STT3B: variants seen among roughly 807,000 people sequenced by gnomAD.
STT3B encodes the protein dolichyl-diphosphooligosaccharide--protein glycosyltransferase subunit STT3B.
Under a neutral mutation model 96.8 loss-of-function variants are expected in STT3B, and 29 were observed. That is an observed-to-expected ratio of 0.30 (90% CI 0.22 to 0.41). The LOEUF is 0.41. STT3B is among the 10% of genes least tolerant of loss of function. The pLI is 1.00. For synonymous variants in STT3B, 367 were observed against 360.0 expected, an observed-to-expected ratio of 1.02 and a Z score of -0.22; for missense variants, 640 against 1,022.3, an observed-to-expected ratio of 0.63 and a Z score of 5.10.
intron 5 of STT3B, 68 bp from the exon 6 acceptor site, chr3:31,615,037 A>G: frequency 2.2e-6 from 2 of 905,964 alleles, no homozygotes; most frequent in Non-Finnish European, 1.7e-6. Context: ...GGATTTACAT[A>G]TACATTTATG....
chr3:31,580,138 C>T (rs1477395813), intron 3 of STT3B, 42 bp downstream of exon 3: 1 of 1,581,060 alleles, frequency 6.3e-7, no homozygotes, highest in South Asian at 1.1e-5. Context: ...TTACTCGTGA[C>T]CTTTCTCCTG....
intron 1 of STT3B, 74 bp downstream of exon 1, chr3:31,533,386 T>C (rs1696994144): frequency 2.2e-6 from 3 of 1,370,148 alleles, no homozygotes; most frequent in Admixed American, 2.9e-5. Context: ...CCGCCGCAGC[T>C]CTCCTCGACT....
At chr3:31,629,736 G>C (rs1428727717) in intron 14 of STT3B, among the ~76,000 whole-genome samples, 1 of 152,202 alleles carries the variant, frequency 6.6e-6, no homozygotes, top group African/African-American at 2.4e-5. Context: ...AGGAAACAGT[G>C]TGGTGTCTTA....
chr3:31,552,558 C>G (rs1697586950), intron 1 of STT3B, among the ~76,000 whole-genome samples: 2 of 151,998 alleles, frequency 1.3e-5, no homozygotes, highest in African/African-American at 4.8e-5. Flanking sequence ...AAAACTTGTT[C>G]TATCTTTATT....
At position 31,533,332 on chromosome 3, in the gene STT3B, T is replaced by G; in HGVS notation, c.314+20T>G. On this transcript the variant is annotated intron_variant, in intron 1 of 15. Coordinates refer to ENST00000295770, the MANE Select transcript of STT3B (RefSeq NM_178862.3). ...CCCGTGGTAAGTGCCTCGCCGCCCC[T>G]CCCCCGCCCGTGGCCCGCGGGGAAC... 6.7e-7 allele frequency: 1 copy of G among 1,489,320 alleles called. No homozygotes were observed. Among genetic ancestry groups the G allele is most frequent in the East Asian group, 3.0e-5 (1 of 33,718 alleles). 92.3% of individuals were successfully genotyped at this position (1,489,320 alleles called of 1,614,324 possible). A position where few individuals can be genotyped will look rare whatever the true frequency, so the allele number is the denominator to read the frequency against.
intron 1 of STT3B, among the ~76,000 whole-genome samples, chr3:31,559,143 T>TGG (rs202088544): frequency 0.019 from 1,978 of 103,446 alleles, 18 homozygotes; most frequent in East Asian, 0.039. Flanking sequence ...CATTGATTCT[T>TGG]GGGGTGTGTG....
chr3:31,549,692 T>A (rs1697503824), intron 1 of STT3B, among the ~76,000 whole-genome samples: 1 of 152,182 alleles, frequency 6.6e-6, no homozygotes. Context: ...CATAATCATA[T>A]GTCTAATTTA....
intron 3 of STT3B, among the ~76,000 whole-genome samples, chr3:31,594,809 C>T (rs977256551): frequency 6.6e-6 from 1 of 152,052 alleles, no homozygotes; most frequent in Admixed American, 6.5e-5. Context: ...ATGAAAGATA[C>T]CCTAAATTAT....
intron 5 of STT3B, among the ~76,000 whole-genome samples, 152 bp from the exon 6 acceptor site, chr3:31,614,952 GT>G (rs1439349022): frequency 6.6e-6 from 1 of 151,730 alleles, no homozygotes; most frequent in Non-Finnish European, 1.5e-5. Flanking sequence ...GTAACATATG[GT>G]TAACAAATGG....
Position 31,600,479 on chromosome 3 carries a change from A to T in STT3B, c.877+20A>T, listed in dbSNP as rs1254755405. ...ACATAGGTAAGTAATTTGATTTTTGACATCTGTCAACTAAGAGATGTTTTG... is the reference window on the plus strand; with the variant it reads ...ACATAGGTAAGTAATTTGATTTTTGTCATCTGTCAACTAAGAGATGTTTTG... On this transcript the variant is annotated intron_variant, in intron 5 of 15. Coordinates refer to ENST00000295770, the MANE Select transcript of STT3B (RefSeq NM_178862.3). The T allele has an allele frequency of 4.5e-6, 5 of 1,102,690 alleles. No homozygotes were observed. Among genetic ancestry groups the T allele is most frequent in the Non-Finnish European group, 6.9e-6 (5 of 728,104 alleles). The allele number at this position is 1,102,690 out of a possible 1,614,324, so 68.3% of individuals were successfully genotyped here. A position where few individuals can be genotyped will look rare whatever the true frequency, so the allele number is the denominator to read the frequency against.
intron 5 of STT3B, among the ~76,000 whole-genome samples, chr3:31,605,696 C>G (rs958274057): frequency 6.6e-6 from 1 of 152,156 alleles, no homozygotes; most frequent in East Asian, 1.9e-4. Context: ...TCAGGTATGT[C>G]TTTATCAGCA....
chr3:31,618,830 A>G (rs1699367125), intron 8 of STT3B, among the ~76,000 whole-genome samples: 1 of 152,206 alleles, frequency 6.6e-6, no homozygotes, highest in South Asian at 2.1e-4. Context: ...TGTTATTCTG[A>G]TTAGGTTAAA....
chr3:31,616,911 A>T lies in STT3B; in HGVS notation c.977-18A>T. ...GGAAAACTGCTTTGTTGATTATGTG[A>T]CCCTTTTCTTTAATTAGGTGTCTTT... On this transcript the variant is annotated intron_variant, in intron 6 of 15. Transcript: ENST00000295770. 1 of 1,585,158 alleles carries T rather than the reference A, an allele frequency of 6.3e-7. No individual in the cohort carries two copies. The highest frequency in any genetic ancestry group is 1.7e-4 in the Middle Eastern group (1 of 5,882).
intron 3 of STT3B, among the ~76,000 whole-genome samples, chr3:31,582,784 T>G (rs1303640807): frequency 1.3e-5 from 2 of 152,190 alleles, no homozygotes; most frequent in Non-Finnish European, 2.9e-5. Flanking sequence ...TTTCTCATTT[T>G]TATTTTTTGA....
intron 2 of STT3B, among the ~76,000 whole-genome samples, chr3:31,578,409 T>C (rs1698304944): frequency 6.6e-6 from 1 of 152,152 alleles, no homozygotes; most frequent in African/African-American, 2.4e-5. Context: ...TTATGCTTTT[T>C]TTGTTGTTGG....
intron 1 of STT3B, among the ~76,000 whole-genome samples, chr3:31,548,061 C>G (rs1420669879): frequency 6.6e-6 from 1 of 152,140 alleles, no homozygotes; most frequent in Non-Finnish European, 1.5e-5. Context: ...TGGTCATTTA[C>G]CTTCCTGTTT....
intron 1 of STT3B, among the ~76,000 whole-genome samples, chr3:31,536,254 A>G (rs968811834): frequency 2.0e-5 from 3 of 152,176 alleles, no homozygotes; most frequent in African/African-American, 4.8e-5. Context: ...TTCTATAGCT[A>G]CTAATAGTCG....
intron 1 of STT3B, among the ~76,000 whole-genome samples, chr3:31,557,778 G>A (rs981846935): frequency 1.8e-4 from 28 of 152,086 alleles, no homozygotes; most frequent in African/African-American, 5.1e-4. Flanking sequence ...GACCACAGGC[G>A]CCCGCCACCA....
chr3:31,533,869 C>T (rs1278644621), intron 1 of STT3B, among the ~76,000 whole-genome samples: 1 of 152,152 alleles, frequency 6.6e-6, no homozygotes, highest in Non-Finnish European at 1.5e-5. Flanking sequence ...TGCAGTTTTA[C>T]GCTTTTACTG....
Sources: allele counts gnomAD v4.1 joint callset (sites outside exome capture counted in the v4.1 genomes callset), GRCh38; gene constraint gnomAD v4.1.1; transcripts MANE v1.5; gene names NCBI Gene and HGNC (gene_info 2026-07-23, HGNC 2026-07-21).